The following NLRC3 variants were observed in gnomAD, a reference collection of about 807,000 sequenced individuals.
NLRC3 encodes NLR family CARD domain-containing protein 3.
NLRC3 carries 87 observed loss-of-function variants against 91.6 expected under a neutral mutation model. The ratio of observed to expected loss-of-function variants is 0.95; its 90% CI spans 0.80 to 1.14. The LOEUF (loss-of-function observed/expected upper bound fraction) is 1.14, where lower values mean the gene tolerates loss of function less well. NLRC3 is among the 50% of genes most tolerant of loss of function. NLRC3 has a pLI of 0.00. For missense variants in NLRC3, 1,577 were observed against 1,418.6 expected (o/e 1.11, Z -1.79); for synonymous variants, 694 against 625.3 (o/e 1.11, Z -1.64).
rs1039052843 is a variant in NLRC3 at position 3,541,674 on chromosome 16, G to T, written c.*151C>A. On this transcript the variant is annotated 3_prime_UTR_variant, in exon 20 of 20. Coordinates refer to ENST00000359128, the MANE Select transcript of NLRC3 (RefSeq NM_178844.4). ...AGAAGAGGAGCTCACGACCTCCTCC[G>T]GCAGCACCTCTCCTTCCTCCCTGCA... is the stretch of plus-strand genomic sequence containing the variant. 3 of 622,886 alleles carry T rather than the reference G, an allele frequency of 4.8e-6. No homozygotes were observed. In the African/African-American group the frequency reaches 5.5e-5, roughly 11 times the overall value. 38.6% of individuals were successfully genotyped at this position (622,886 alleles called of 1,614,324 possible).
At chr16:3,549,893 G>A in intron 11 of NLRC3, 113 bp from the exon 12 acceptor site, 3 of 660,592 alleles carry the variant, frequency 4.5e-6, no homozygotes, top group East Asian at 2.8e-5. Context: ...GGGGCTCCAG[G>A]GACAGTGGTG....
At position 3,549,206 on chromosome 16, in the gene NLRC3, T is replaced by A. The variant is rs1383077564; in HGVS notation, c.2539A>T (p.Ser847Cys). Residue 847 changes from serine (S) to cysteine (C), a missense_variant, in exon 13 of 20, where the codon AGT becomes TGT. Ser to Cys is a moderately radical substitution (Grantham distance 112). Coordinates refer to ENST00000359128, the MANE Select transcript of NLRC3 (RefSeq NM_178844.4). ...LSLSLRENSI[S>C]PEGAQAIAHA... is the part of the protein sequence containing the mutation. ...GCGATGGCCTGGGCTCCCTCGGGACTGATGGAGTTTTCTCGAAGGCTGAAA... is the reference window on the plus strand; with the variant it reads ...GCGATGGCCTGGGCTCCCTCGGGACAGATGGAGTTTTCTCGAAGGCTGAAA... The A allele has an allele frequency of 6.3e-7, 1 of 1,585,326 alleles. No homozygotes were observed. The highest frequency in any genetic ancestry group is 2.3e-5 in the East Asian group (1 of 43,680).
rs1395612169 is a variant in NLRC3 at position 3,542,776 on chromosome 16, C to T, written c.2940-1G>A. ...CACCCCAATGGCATTTCCTCTTAAG[C>T]TGTTGGGAAAGACAGGAAGCCTAAG... On this transcript the variant is annotated splice_acceptor_variant, in intron 17 of 19. Coordinates refer to ENST00000359128, the MANE Select transcript of NLRC3 (RefSeq NM_178844.4). LOFTEE classifies it high-confidence loss of function. 4.4e-6 allele frequency: 7 copies of T among 1,601,616 alleles called. No individual in the cohort carries two copies. Among genetic ancestry groups the T allele is most frequent in the Non-Finnish European group, 6.0e-6 (7 of 1,173,278 alleles).
At chr16:3,551,821 A>C (rs1438753906) in intron 10 of NLRC3, among the ~76,000 whole-genome samples, 1 of 150,904 alleles carries the variant, frequency 6.6e-6, no homozygotes, top group Non-Finnish European at 1.5e-5. Flanking sequence ...TCACCCATCC[A>C]TCCATCCATC....
chr16:3,541,641 C>G lies in NLRC3; in HGVS notation c.*184G>C. 1.7e-6 allele frequency: 1 copy of G among 600,812 alleles called. No homozygotes were observed. The highest frequency in any genetic ancestry group is 3.0e-6 in the Non-Finnish European group (1 of 337,120). 37.2% of individuals were successfully genotyped at this position (600,812 alleles called of 1,614,324 possible). On this transcript the variant is annotated 3_prime_UTR_variant, in exon 20 of 20. Coordinates refer to ENST00000359128, the MANE Select transcript of NLRC3 (RefSeq NM_178844.4). ...CCCGTCACCCCCTGCCTGGACCACT[C>G]CTGCAGCAGAAGAGGAGCTCACGAC...
In NLRC3 at chr16:3,541,675, G is replaced by A. The variant is rs1175325244; in HGVS notation, c.*150C>T. 3.2e-6 allele frequency: 2 copies of A among 624,274 alleles called. No homozygotes were observed. Among genetic ancestry groups the A allele is most frequent in the African/African-American group, 3.7e-5 (2 of 54,524 alleles). The allele number at this position is 624,274 out of a possible 1,614,324, so 38.7% of individuals were successfully genotyped here. Reference sequence around the variant, plus strand: ...GAAGAGGAGCTCACGACCTCCTCCGGCAGCACCTCTCCTTCCTCCCTGCAG... The same window carrying A: ...GAAGAGGAGCTCACGACCTCCTCCGACAGCACCTCTCCTTCCTCCCTGCAG... On this transcript the variant is annotated 3_prime_UTR_variant, in exon 20 of 20. Coordinates refer to ENST00000359128, the MANE Select transcript of NLRC3 (RefSeq NM_178844.4).
At chr16:3,567,799 C>T (rs1028444402) in intron 1 of NLRC3, among the ~76,000 whole-genome samples, 1 of 136,284 alleles carries the variant, frequency 7.3e-6, no homozygotes, top group African/African-American at 2.7e-5. Context: ...AAAAAGCTTG[C>T]TGTCTGCAGC....
chr16:3,543,340 T>G, intron 17 of NLRC3, 85 bp downstream of exon 17: 1 of 939,644 alleles, frequency 1.1e-6, no homozygotes, highest in South Asian at 1.4e-5. Flanking sequence ...GTGAGTTGTC[T>G]GTAAACTTTG....
Position 3,541,729 on chromosome 16 carries a change from G to T in NLRC3, c.*96C>A. 1.2e-6 allele frequency: 1 copy of T among 805,616 alleles called. No individual in the cohort carries two copies. The highest frequency in any genetic ancestry group is 2.1e-6 in the Non-Finnish European group (1 of 477,908). The allele number at this position is 805,616 out of a possible 1,614,324, so 49.9% of individuals were successfully genotyped here. On this transcript the variant is annotated 3_prime_UTR_variant, in exon 20 of 20. Coordinates refer to ENST00000359128, the MANE Select transcript of NLRC3 (RefSeq NM_178844.4). ...CCGGCTCTCGTGCTGAGCAAGCAGC[G>T]TTCCCAGCTCCCAGACAGGCCCCCC...
rs185709633 is a variant in NLRC3, at chr16:3,572,811, G to A, written c.-169+4338C>T. ...GCAGATCATCTGAGGTCAGGGGTTCGAGACCAGTCTGGCCAACATGGTGAA... is the reference window on the plus strand; with the variant it reads ...GCAGATCATCTGAGGTCAGGGGTTCAAGACCAGTCTGGCCAACATGGTGAA... On this transcript the variant is annotated intron_variant, in intron 1 of 19. Coordinates refer to ENST00000359128, the MANE Select transcript of NLRC3 (RefSeq NM_178844.4). 4.5e-3 allele frequency among the ~76,000 whole-genome samples: 680 copies of A among 151,916 alleles called. 6 individuals are homozygous for A. The highest frequency in any genetic ancestry group is 0.015 in the African/African-American group (642 of 41,442).
intron 15 of NLRC3, chr16:3,545,229 TG>T (rs2038630694): frequency 6.6e-6 from 1 of 152,066 alleles, no homozygotes; most frequent in South Asian, 2.1e-4. Flanking sequence ...GTGGATCACT[TG>T]AGGTCAGGAG....
At chr16:3,555,229 C>CA (rs149218240) in intron 8 of NLRC3, among the ~76,000 whole-genome samples, 27,918 of 81,860 alleles carry the variant, frequency 0.34, 3,479 homozygotes, top group South Asian at 0.41. Flanking sequence ...GACTCCGTCT[C>CA]AAAAAAAAAA....
At position 3,577,315 on chromosome 16, in the gene NLRC3, GCCAA is replaced by G. The variant is rs200478700; in HGVS notation, c.-339_-336del. The G allele has an allele frequency of 1.6e-3, 1,068 of 655,174 alleles. 10 individuals carry two copies. The African/African-American group carries it at 0.017, about 10-fold the overall frequency. The allele number at this position is 655,174 out of a possible 1,614,324, so 40.6% of individuals were successfully genotyped here. A position where few individuals can be genotyped will look rare whatever the true frequency, so the allele number is the denominator to read the frequency against. On this transcript the variant is annotated 5_prime_UTR_variant, in exon 1 of 20. Transcript: ENST00000359128. ...GACCAGGGATCAGGGCACTTACCAC[GCCAA>G]CCAACCAACCGTGTGGGGGCCGAGA...
intron 15 of NLRC3, among the ~76,000 whole-genome samples, chr16:3,546,031 T>C (rs1193512155): frequency 1.3e-5 from 2 of 152,022 alleles, no homozygotes; most frequent in East Asian, 1.9e-4. Flanking sequence ...GCAGGGGCAG[T>C]GGACGCAGAG....
chr16:3,563,562 G>C lies in NLRC3; in HGVS notation c.1375C>G (p.Gln459Glu). 1.2e-6 allele frequency: 2 copies of C among 1,612,104 alleles called. No homozygotes were observed. The highest frequency in any genetic ancestry group is 1.7e-6 in the Non-Finnish European group (2 of 1,179,344). Reference protein sequence around the residue: ...VAYCFTHLSLQEFVAAAYYYG... With the variant: ...VAYCFTHLSLEEFVAAAYYYG... ...TAATACGCGGCTGCCACAAACTCCT[G>C]CAGGGACAGGTGGGTGAAGCAGTAG... is the stretch of plus-strand genomic sequence containing the variant. The change falls in exon 5 of 20, where the codon CAG (glutamine) becomes GAG (glutamate). Residue 459 changes from glutamine (Q) to glutamate (E), a missense_variant. By Grantham distance (29) the Gln-to-Glu change is conservative. Coordinates refer to ENST00000359128, the MANE Select transcript of NLRC3 (RefSeq NM_178844.4).
At position 3,563,544 on chromosome 16, in the gene NLRC3, C is replaced by T. The variant is rs751744103; in HGVS notation, c.1393G>A (p.Ala465Thr). 10 of 1,609,470 alleles carry T rather than the reference C, an allele frequency of 6.2e-6. No homozygotes were observed. The highest frequency in any genetic ancestry group is 5.0e-5 in the Admixed American group (3 of 59,446). ...HLSLQEFVAA[A>T]YYYGASRRAI... ...CTCCTGGATGCGCCATAGTAATACG[C>T]GGCTGCCACAAACTCCTGCAGGGAC... Residue 465 changes from alanine (A) to threonine (T), a missense_variant, in exon 5 of 20, where the codon GCG (alanine) becomes ACG (threonine). Coordinates refer to ENST00000359128, the MANE Select transcript of NLRC3 (RefSeq NM_178844.4).
rs1472275440 is a variant in NLRC3, at chr16:3,542,737, G to A, written c.2978C>T (p.Ala993Val). 2.5e-6 allele frequency: 4 copies of A among 1,610,504 alleles called. No individual in the cohort carries two copies. The highest frequency in any genetic ancestry group is 1.7e-4 in the Middle Eastern group (1 of 5,786). Residue 993 changes from alanine to valine, a missense_variant, in exon 18 of 20, where the codon GCC becomes GTC. By Grantham distance (64) the Ala-to-Val change is moderately conservative. Transcript: ENST00000359128. ...GTTTACCTTCAGAGCATTTGCCAGG[G>A]CTTTGGCTCCAGCCACCCCAATGGC... ...GNAIGVAGAK[A>V]LANALKVNSS...
Position 3,548,087 on chromosome 16 carries a change from C to T in NLRC3, c.2771+48G>A, listed in dbSNP as rs1215862173. 5 of 1,321,526 alleles carry T rather than the reference C, an allele frequency of 3.8e-6. No homozygotes were observed. The Admixed American group carries it at 7.9e-5, about 21-fold the overall frequency. The allele number at this position is 1,321,526 out of a possible 1,614,324, so 81.9% of individuals were successfully genotyped here. A position where few individuals can be genotyped will look rare whatever the true frequency, so the allele number is the denominator to read the frequency against. On this transcript the variant is annotated intron_variant, in intron 15 of 19. Coordinates refer to ENST00000359128, the MANE Select transcript of NLRC3 (RefSeq NM_178844.4). ...ATGGGTACCAGGTTTTCAGATTCCC[C>T]TGTCCTCAACAGCCCCCGCCCTGCA...
chr16:3,562,835 T>G, intron 5 of NLRC3, 174 bp downstream of exon 5: 2 of 714,402 alleles, frequency 2.8e-6, no homozygotes, highest in South Asian at 3.0e-5. Context: ...TTGAGACTTC[T>G]GGCCTCCAGA....
Sources: allele counts gnomAD v4.1 joint callset (sites outside exome capture counted in the v4.1 genomes callset), GRCh38; gene constraint gnomAD v4.1.1; transcripts MANE v1.5; gene names NCBI Gene and HGNC (gene_info 2026-07-23, HGNC 2026-07-21).